Variants in SLCO6A1 observed in about 807,000 individuals in gnomAD.
SLCO6A1 encodes the protein solute carrier organic anion transporter family member 6A1.
A neutral mutation model predicts 72.7 loss-of-function variants in SLCO6A1; 65 were observed. The observed-to-expected ratio is 0.89, with a 90% CI of 0.73 to 1.10. SLCO6A1 has a LOEUF of 1.10. SLCO6A1 is among the 50% of genes least tolerant of loss of function. SLCO6A1 has a pLI of 0.00. For synonymous variants in SLCO6A1, 314 were observed against 298.2 expected, an observed-to-expected ratio of 1.05 and a Z score of -0.55; for missense variants, 874 against 872.6, an observed-to-expected ratio of 1.00 and a Z score of -0.02.
intron 1 of SLCO6A1, among the ~76,000 whole-genome samples, chr5:102,481,684 G>T (rs1398697497): frequency 6.6e-6 from 1 of 152,092 alleles, no homozygotes; most frequent in Non-Finnish European, 1.5e-5. Flanking sequence ...CAAATAAGTA[G>T]CAATATCATC....
intron 7 of SLCO6A1, among the ~76,000 whole-genome samples, chr5:102,423,679 C>T (rs1420519251): frequency 6.6e-6 from 1 of 152,134 alleles, no homozygotes; most frequent in Non-Finnish European, 1.5e-5. Context: ...TAGTGGGACA[C>T]TTTAACACCC....
At chr5:102,398,818 C>G (rs1353047819) in intron 10 of SLCO6A1, among the ~76,000 whole-genome samples, 1 of 151,896 alleles carries the variant, frequency 6.6e-6, no homozygotes, top group Non-Finnish European at 1.5e-5. Flanking sequence ...AAGGTCTTGT[C>G]CCCCGCCTGC....
intron 12 of SLCO6A1, among the ~76,000 whole-genome samples, chr5:102,378,842 C>T (rs1333107093): frequency 1.3e-5 from 2 of 152,074 alleles, no homozygotes; most frequent in Non-Finnish European, 2.9e-5. Flanking sequence ...AGTGCAGTGG[C>T]ATGACCTTGG....
At chr5:102,440,587 G>A (rs975781983) in intron 6 of SLCO6A1, among the ~76,000 whole-genome samples, 1 of 151,958 alleles carries the variant, frequency 6.6e-6, no homozygotes, top group Non-Finnish European at 1.5e-5. Flanking sequence ...TAAAACCAGC[G>A]CCTCCATCCC....
intron 7 of SLCO6A1, among the ~76,000 whole-genome samples, chr5:102,431,624 A>G (rs1749222590): frequency 6.6e-6 from 1 of 151,930 alleles, no homozygotes; most frequent in Non-Finnish European, 1.5e-5. Context: ...GTTCTTTTAC[A>G]TTTTCTGAGG....
At chr5:102,404,881 A>G (rs778540949) in intron 9 of SLCO6A1, among the ~76,000 whole-genome samples, 7 of 152,176 alleles carry the variant, frequency 4.6e-5, no homozygotes, top group Non-Finnish European at 7.4e-5. Context: ...AGAGAGAAGT[A>G]AGTTCTACAT....
At position 102,459,772 on chromosome 5, in the gene SLCO6A1, G is replaced by A. The variant is rs768093979; in HGVS notation, c.905C>T (p.Thr302Ile). The A allele has an allele frequency of 6.5e-7, 1 of 1,528,042 alleles. No individual in the cohort carries two copies. The highest frequency in any genetic ancestry group is 1.2e-5 in the South Asian group (1 of 83,764). The allele number at this position is 1,528,042 out of a possible 1,614,324, so 94.7% of individuals were successfully genotyped here. The change falls in exon 5 of 14, where the codon ACA becomes ATA. Residue 302 changes from threonine (T) to isoleucine (I), a missense_variant. Thr to Ile is a moderately conservative substitution (Grantham distance 89). Coordinates refer to ENST00000506729, the MANE Select transcript of SLCO6A1 (RefSeq NM_173488.5). ...PENTTSATNTTVNNGSPEWLW... is the reference protein window; with the variant it reads ...PENTTSATNTIVNNGSPEWLW... The stretch of plus-strand genomic sequence containing the variant: ...CCATTCTGGACTACCATTATTGACT[G>A]TAGTGCTTTAATAAAGAAAAGTGAA...
chr5:102,470,542 TTC>T (rs1341477081), intron 4 of SLCO6A1, among the ~76,000 whole-genome samples: 1 of 152,146 alleles, frequency 6.6e-6, no homozygotes, highest in African/African-American at 2.4e-5. Flanking sequence ...TACTTGATTC[TTC>T]TCTCTTTTCT....
intron 9 of SLCO6A1, among the ~76,000 whole-genome samples, chr5:102,400,795 G>A (rs886675905): frequency 6.6e-6 from 1 of 151,926 alleles, no homozygotes; most frequent in African/African-American, 2.4e-5. Context: ...GTTGCTGAGA[G>A]GTTAATAAAT....
At chr5:102,398,365 A>T (rs1747215460) in intron 10 of SLCO6A1, among the ~76,000 whole-genome samples, 1 of 151,976 alleles carries the variant, frequency 6.6e-6, no homozygotes, top group Non-Finnish European at 1.5e-5. Context: ...TTTAGTAGAG[A>T]CAGGGTTTCA....
At chr5:102,382,933 CGT>C (rs940024101) in intron 12 of SLCO6A1, among the ~76,000 whole-genome samples, 2 of 146,864 alleles carry the variant, frequency 1.4e-5, no homozygotes, top group African/African-American at 5.0e-5. Flanking sequence ...GAGATATATA[CGT>C]GTGTGTATAT....
intron 8 of SLCO6A1, among the ~76,000 whole-genome samples, chr5:102,415,759 A>G (rs1297601143): frequency 6.6e-6 from 1 of 152,174 alleles, no homozygotes; most frequent in Non-Finnish European, 1.5e-5. Flanking sequence ...TAATCAACAG[A>G]GTGAACAAAC....
intron 10 of SLCO6A1, among the ~76,000 whole-genome samples, chr5:102,393,311 T>C (rs1365539823): frequency 6.6e-6 from 1 of 152,160 alleles, no homozygotes; most frequent in Non-Finnish European, 1.5e-5. Flanking sequence ...AAATTTAAAA[T>C]GGTCAGCCTG....
At chr5:102,400,644 A>G (rs1747347804) in intron 9 of SLCO6A1, among the ~76,000 whole-genome samples, 1 of 152,076 alleles carries the variant, frequency 6.6e-6, no homozygotes, top group Admixed American at 6.6e-5. Flanking sequence ...AAATAAGAAG[A>G]AAAGAACAAT....
intron 1 of SLCO6A1, among the ~76,000 whole-genome samples, chr5:102,486,973 C>T (rs966586965): frequency 3.3e-5 from 5 of 151,822 alleles, no homozygotes; most frequent in African/African-American, 7.3e-5. Flanking sequence ...TTGAAGTTCC[C>T]GATGGTACTG....
rs1203152155 is a variant in SLCO6A1, at chr5:102,389,452, A to ACC, written c.1880-629_1880-628dup. ...TGAACAGTCACACACCCCGCCCCCC[A>ACC]CCCCCACACACACAGAGTTGCCCCC... On this transcript the variant is annotated intron_variant, in intron 11 of 13. Transcript: ENST00000506729. Among the ~76,000 whole-genome samples, 8 of 58,054 alleles carry ACC rather than the reference A, an allele frequency of 1.4e-4. No individual in the cohort carries two copies. In the South Asian group the frequency reaches 2.3e-3, roughly 17 times the overall value. The allele number at this position is 58,054 out of a possible 152,430, so 38.1% of individuals were successfully genotyped here.
chr5:102,391,341 A>AT (rs796908472), intron 10 of SLCO6A1: 8 of 324,436 alleles, frequency 2.5e-5, no homozygotes, highest in African/African-American at 1.3e-4. Flanking sequence ...TTAGCACTAG[A>AT]TTTTATACTT....
intron 6 of SLCO6A1, among the ~76,000 whole-genome samples, chr5:102,451,699 C>G (rs919111425): frequency 2.0e-5 from 3 of 152,178 alleles, no homozygotes; most frequent in African/African-American, 7.2e-5. Flanking sequence ...CTATACCAAT[C>G]CCAGGTGGGC....
chr5:102,450,712 G>A (rs1371785910), intron 6 of SLCO6A1, among the ~76,000 whole-genome samples: 1 of 152,124 alleles, frequency 6.6e-6, no homozygotes, highest in African/African-American at 2.4e-5. Context: ...TAATCTCTTG[G>A]GGCTCCACTC....
Sources: allele counts gnomAD v4.1 joint callset (sites outside exome capture counted in the v4.1 genomes callset), GRCh38; gene constraint gnomAD v4.1.1; transcripts MANE v1.5; gene names NCBI Gene and HGNC (gene_info 2026-07-23, HGNC 2026-07-21).